The following ZCCHC14 variants were observed in gnomAD, a reference collection of about 807,000 sequenced individuals.
The protein encoded by ZCCHC14 is zinc finger CCHC-type containing 14.
ZCCHC14 carries 16 observed loss-of-function variants against 85.0 expected under a neutral mutation model. The ratio of observed to expected loss-of-function variants is 0.19; its 90% CI spans 0.13 to 0.29. The LOEUF (loss-of-function observed/expected upper bound fraction) is 0.29, where lower values mean the gene tolerates loss of function less well. Among genes scored for constraint, ZCCHC14 ranks in the 10% least tolerant of loss-of-function variants. The probability of loss-of-function intolerance (pLI) is 1.00; values close to 1 mark genes in which losing one functional copy is unlikely to be tolerated. For missense variants in ZCCHC14, 1,303 were observed against 1,443.5 expected (o/e 0.90, Z 1.58); for synonymous variants, 775 against 630.7 (o/e 1.23, Z -3.43).
At position 87,408,391 on chromosome 16, in the gene ZCCHC14, A is replaced by C. The variant is rs1331981454; in HGVS notation, c.*1889T>G. The C allele has an allele frequency of 6.6e-6, 1 of 152,624 alleles. No individual in the cohort carries two copies. The highest frequency in any genetic ancestry group is 1.5e-5 in the Non-Finnish European group (1 of 68,046). The allele number at this position is 152,624 out of a possible 1,614,324, so 9.5% of individuals were successfully genotyped here. A position where few individuals can be genotyped will look rare whatever the true frequency, so the allele number is the denominator to read the frequency against. ...TGGCCTTCAGAAATATTAAAATCGT[A>C]AACATCAATGAACACTCTAAGTCTT... On this transcript the variant is annotated 3_prime_UTR_variant, in exon 13 of 13. Transcript: ENST00000671377.
intron 2 of ZCCHC14, among the ~76,000 whole-genome samples, chr16:87,439,137 CT>C (rs551734590): frequency 6.9e-4 from 101 of 145,674 alleles, no homozygotes; most frequent in East Asian, 2.0e-3. Flanking sequence ...CATACAAGTT[CT>C]TTTTTTTTTT....
chr16:87,481,548 G>GA, intron 1 of ZCCHC14, among the ~76,000 whole-genome samples: 1 of 61,232 alleles, frequency 1.6e-5, no homozygotes, highest in African/African-American at 5.3e-5. Flanking sequence ...GGGGTGGGGG[G>GA]GGGGAAGGGT....
intron 1 of ZCCHC14, among the ~76,000 whole-genome samples, chr16:87,487,938 A>T (rs186206507): frequency 0.011 from 1,581 of 150,090 alleles, 40 homozygotes; most frequent in African/African-American, 0.037. Flanking sequence ...AAAGACACCC[A>T]TAGAGACAAA....
intron 1 of ZCCHC14, among the ~76,000 whole-genome samples, chr16:87,461,922 T>A (rs1379387394): frequency 6.6e-6 from 1 of 152,170 alleles, no homozygotes; most frequent in African/African-American, 2.4e-5. Context: ...ACAGATGCCT[T>A]CCAAGAAAAG....
intron 2 of ZCCHC14, among the ~76,000 whole-genome samples, chr16:87,436,881 C>G (rs1232799532): frequency 6.6e-6 from 1 of 152,118 alleles, no homozygotes; most frequent in Non-Finnish European, 1.5e-5. Context: ...TGAAGAGTAG[C>G]TTTTCCCCAC....
At chr16:87,473,176 T>G (rs1334375432) in intron 1 of ZCCHC14, 1 of 151,908 alleles carries the variant, frequency 6.6e-6, no homozygotes, top group Non-Finnish European at 1.5e-5. Context: ...AGATGAGACA[T>G]TCCCTGAGGT....
chr16:87,475,953 G>A (rs1911986554), intron 1 of ZCCHC14, among the ~76,000 whole-genome samples: 1 of 152,170 alleles, frequency 6.6e-6, no homozygotes, highest in South Asian at 2.1e-4. Flanking sequence ...ATCACAGTCA[G>A]GCTGCTCAAA....
At chr16:87,428,779 G>A (rs991110796) in intron 3 of ZCCHC14, among the ~76,000 whole-genome samples, 1 of 152,148 alleles carries the variant, frequency 6.6e-6, no homozygotes, top group Non-Finnish European at 1.5e-5. Context: ...ACTCATAAAC[G>A]GACTCACTGA....
intron 1 of ZCCHC14, among the ~76,000 whole-genome samples, chr16:87,461,439 G>A (rs369519764): frequency 1.6e-4 from 24 of 152,216 alleles, no homozygotes; most frequent in African/African-American, 5.5e-4. Context: ...TATGAGAGGC[G>A]TAAGATTTTA....
At chr16:87,462,941 G>A (rs532412467) in intron 1 of ZCCHC14, among the ~76,000 whole-genome samples, 39 of 152,128 alleles carry the variant, frequency 2.6e-4, no homozygotes, top group African/African-American at 7.0e-4. Flanking sequence ...GGTGGCGCAC[G>A]CCTCTAATCT....
chr16:87,461,177 A>G (rs910813501), intron 1 of ZCCHC14, among the ~76,000 whole-genome samples: 1 of 152,164 alleles, frequency 6.6e-6, no homozygotes, highest in Non-Finnish European at 1.5e-5. Flanking sequence ...GCGCAGAAAC[A>G]AGCCACGGGC....
rs1241905398 is a variant in ZCCHC14 at position 87,411,504 on chromosome 16, G to A, written c.3205+12C>T. The stretch of plus-strand genomic sequence containing the variant: ...CGGGAGCCTGGTGGGCGCGGCCATG[G>A]CGCGCGCTTACCTGGCCGGTTGAAG... On this transcript the variant is annotated intron_variant, in intron 12 of 12. Coordinates refer to ENST00000671377, the MANE Select transcript of ZCCHC14 (RefSeq NM_015144.3). 1.2e-6 allele frequency: 2 copies of A among 1,613,050 alleles called. No homozygotes were observed. The highest frequency in any genetic ancestry group is 3.3e-5 in the Admixed American group (2 of 60,030).
intron 2 of ZCCHC14, among the ~76,000 whole-genome samples, chr16:87,436,142 A>G (rs1212654305): frequency 6.6e-6 from 1 of 152,284 alleles, no homozygotes; most frequent in East Asian, 1.9e-4. Context: ...TAAAAGGAAA[A>G]AAAACCCATC....
chr16:87,477,329 G>A (rs901929529), intron 1 of ZCCHC14, among the ~76,000 whole-genome samples: 7 of 152,160 alleles, frequency 4.6e-5, no homozygotes, highest in African/African-American at 1.4e-4. Context: ...AAAACGAGCC[G>A]CTGGGGCGAA....
rs1221453241 is a variant in ZCCHC14 at position 87,406,485 on chromosome 16, C to T, written c.*3795G>A. Reference sequence around the variant, plus strand: ...TTGTAGAATTGACAAAAGAATGGCTCAAAAATGGGAGAATTTTCCTTCATT... The same window carrying T: ...TTGTAGAATTGACAAAAGAATGGCTTAAAAATGGGAGAATTTTCCTTCATT... On this transcript the variant is annotated 3_prime_UTR_variant, in exon 13 of 13. Transcript: ENST00000671377. The T allele has an allele frequency of 6.6e-6, 1 of 152,466 alleles. No homozygotes were observed. Among genetic ancestry groups the T allele is most frequent in the Non-Finnish European group, 1.5e-5 (1 of 68,010 alleles). 9.4% of individuals were successfully genotyped at this position (152,466 alleles called of 1,614,324 possible).
chr16:87,440,019 C>T (rs1910109057), intron 2 of ZCCHC14, among the ~76,000 whole-genome samples: 1 of 152,200 alleles, frequency 6.6e-6, no homozygotes, highest in Admixed American at 6.5e-5. Flanking sequence ...GTTACCCAGG[C>T]TGCGCTCGAA....
At chr16:87,477,410 C>A (rs574293241) in intron 1 of ZCCHC14, among the ~76,000 whole-genome samples, 1 of 152,172 alleles carries the variant, frequency 6.6e-6, no homozygotes, top group Non-Finnish European at 1.5e-5. Flanking sequence ...TGGGGCAGCC[C>A]CGGGCATCAG....
At chr16:87,413,308 C>T in intron 10 of ZCCHC14, 113 bp from the exon 11 acceptor site, 2 of 1,396,484 alleles carry the variant, frequency 1.4e-6, no homozygotes, top group Non-Finnish European at 1.9e-6. Flanking sequence ...AAACGCAGGG[C>T]TCTGAGAGTC....
At chr16:87,481,174 A>T (rs1349796948) in intron 1 of ZCCHC14, among the ~76,000 whole-genome samples, 2 of 152,156 alleles carry the variant, frequency 1.3e-5, no homozygotes, top group Non-Finnish European at 2.9e-5. Context: ...AGGAGACTGG[A>T]ATGTTAATGA....
Sources: allele counts gnomAD v4.1 joint callset (sites outside exome capture counted in the v4.1 genomes callset), GRCh38; gene constraint gnomAD v4.1.1; transcripts MANE v1.5; gene names NCBI Gene and HGNC (gene_info 2026-07-23, HGNC 2026-07-21).